NUBPL: variants seen among roughly 807,000 people sequenced by gnomAD.
NUBPL encodes iron-sulfur cluster transfer protein NUBPL.
Under a neutral mutation model 45.7 loss-of-function variants are expected in NUBPL, and 31 were observed. The observed-to-expected ratio is 0.68, with a 90% confidence interval of 0.51 to 0.92. The LOEUF (loss-of-function observed/expected upper bound fraction) is 0.92. Among genes scored for constraint, NUBPL ranks in the 40% least tolerant of loss-of-function variants. The pLI, the probability that NUBPL is intolerant of heterozygous loss-of-function variation, is 0.00. For synonymous variants in NUBPL, 144 were observed against 140.9 expected (o/e 1.02, Z -0.15); for missense variants, 401 against 398.7 (o/e 1.01, Z -0.05).
chr14:31,650,439 G>A (rs932358535), intron 4 of NUBPL, among the ~76,000 whole-genome samples: 6 of 151,874 alleles, frequency 4.0e-5, no homozygotes, highest in African/African-American at 7.3e-5. Flanking sequence ...ACAGGCGCCC[G>A]CCACCACACC....
At chr14:31,646,486 C>T (rs2035856594) in intron 4 of NUBPL, among the ~76,000 whole-genome samples, 1 of 152,146 alleles carries the variant, frequency 6.6e-6, no homozygotes, top group Non-Finnish European at 1.5e-5. Context: ...CCACGCTTGG[C>T]CATCAGGTTC....
Position 31,826,721 on chromosome 14 carries a change from GT to G in NUBPL, c.693+10del, listed in dbSNP as rs746057474. 1.6e-5 allele frequency: 25 copies of G among 1,611,688 alleles called. No individual in the cohort carries two copies. In the Admixed American group the frequency reaches 3.7e-4, roughly 24 times the overall value. ...TCGCAGAGTCCACGTGCCCGTAAGC[GT>G]TTACAGCTTCACTGTGAAAAATATA... is the stretch of plus-strand genomic sequence containing the variant. On this transcript the variant is annotated splice_region_variant and intron_variant, in intron 8 of 10. Transcript: ENST00000281081.
chr14:31,766,996 A>G (rs545270989), intron 6 of NUBPL, among the ~76,000 whole-genome samples: 37 of 152,266 alleles, frequency 2.4e-4, no homozygotes, highest in Admixed American at 4.6e-4. Context: ...CATAATTAAA[A>G]AAAAAAGATT....
chr14:31,572,147 T>A (rs566233390), intron 3 of NUBPL, among the ~76,000 whole-genome samples: 116 of 152,072 alleles, frequency 7.6e-4, no homozygotes, highest in African/African-American at 1.9e-3. Context: ...TTTTTTTTTT[T>A]AATTTTTTTT....
Position 31,561,475 on chromosome 14 carries a change from G to A in NUBPL, c.36G>A (p.Gly12=), listed in dbSNP as rs752542109. ...GIWQRLLLFG[G]VSLRAGGGAT... is the part of the protein sequence containing the mutation. ...GGCAGCGTCTGCTGCTTTTTGGTGG[G>A]GTGTCGCTCCGGGCTGGTGGCGGGG... The change falls in exon 1 of 11, where the codon GGG becomes GGA. Residue 12 remains glycine, a synonymous_variant. Transcript: ENST00000281081. 2.8e-6 allele frequency: 4 copies of A among 1,415,502 alleles called. No individual in the cohort carries two copies. Among genetic ancestry groups the A allele is most frequent in the South Asian group, 1.7e-5 (1 of 58,034 alleles). The allele number at this position is 1,415,502 out of a possible 1,614,324, so 87.7% of individuals were successfully genotyped here.
intron 6 of NUBPL, among the ~76,000 whole-genome samples, chr14:31,720,199 A>G (rs1386190396): frequency 6.6e-6 from 1 of 152,100 alleles, no homozygotes; most frequent in Non-Finnish European, 1.5e-5. Context: ...ATCACTCTTA[A>G]ATTTGTTCAT....
intron 4 of NUBPL, among the ~76,000 whole-genome samples, chr14:31,627,604 A>G (rs979199375): frequency 4.6e-5 from 7 of 151,954 alleles, no homozygotes; most frequent in Non-Finnish European, 8.8e-5. Context: ...GTCTCTACTA[A>G]CAATAGAAAA....
chr14:31,714,583 G>C (rs2037646234), intron 6 of NUBPL: 1 of 152,630 alleles, frequency 6.6e-6, no homozygotes, highest in South Asian at 2.1e-4. Context: ...TAAACAACCA[G>C]ATCTTGCGTG....
At chr14:31,561,630 C>A in intron 1 of NUBPL, 83 bp downstream of exon 1, 1 of 938,652 alleles carries the variant, frequency 1.1e-6, no homozygotes, top group South Asian at 2.8e-5. Context: ...TTGCTTCTTG[C>A]CAAAGACTCG....
intron 7 of NUBPL, among the ~76,000 whole-genome samples, chr14:31,802,421 G>A (rs149381099): frequency 0.011 from 1,716 of 152,070 alleles, 29 homozygotes; most frequent in African/African-American, 0.039. Context: ...GACTACAGGC[G>A]CGTGCCACCA....
At chr14:31,672,303 G>GCA (rs890800445) in intron 4 of NUBPL, among the ~76,000 whole-genome samples, 14 of 151,234 alleles carry the variant, frequency 9.3e-5, no homozygotes, top group Non-Finnish European at 2.1e-4. Context: ...GTGTGTGTGT[G>GCA]TGTGCATGCA....
intron 3 of NUBPL, among the ~76,000 whole-genome samples, chr14:31,588,225 T>G (rs1025064384): frequency 3.3e-5 from 5 of 152,178 alleles, no homozygotes; most frequent in Non-Finnish European, 5.9e-5. Flanking sequence ...TGGGGGTTAT[T>G]GTATACCTAC....
chr14:31,812,983 CTT>C (rs33986436), intron 7 of NUBPL, among the ~76,000 whole-genome samples: 1,673 of 105,068 alleles, frequency 0.016, 22 homozygotes, highest in African/African-American at 0.047. Context: ...CTTGTTAGTT[CTT>C]TTTTTTTTTT....
chr14:31,673,641 G>A, intron 6 of NUBPL, 67 bp downstream of exon 6: 2 of 1,387,396 alleles, frequency 1.4e-6, no homozygotes, highest in East Asian at 2.3e-5. Flanking sequence ...TTGCTGATTG[G>A]AGAATTGTTA....
intron 4 of NUBPL, among the ~76,000 whole-genome samples, chr14:31,647,046 CTTGAT>C (rs2035874811): frequency 6.6e-6 from 1 of 152,086 alleles, no homozygotes; most frequent in Non-Finnish European, 1.5e-5. Context: ...AAAATTTCTG[CTTGAT>C]TTATTTTTAA....
chr14:31,834,460 T>G (rs934157400), intron 8 of NUBPL, among the ~76,000 whole-genome samples: 1 of 152,194 alleles, frequency 6.6e-6, no homozygotes, highest in African/African-American at 2.4e-5. Flanking sequence ...ATTACAGGCG[T>G]GAGCCACTGC....
intron 6 of NUBPL, among the ~76,000 whole-genome samples, chr14:31,739,202 CTATATATATATTATATTATA>C (rs1280048699): frequency 3.8e-4 from 51 of 135,070 alleles, no homozygotes; most frequent in East Asian, 2.2e-3. Context: ...ATATTATATT[CTATATATATATTATATTATA>C]TATATATATA....
At chr14:31,802,703 T>C (rs113287118) in intron 7 of NUBPL, among the ~76,000 whole-genome samples, 1,565 of 152,320 alleles carry the variant, frequency 0.01, 16 homozygotes, top group Non-Finnish European at 0.016. Context: ...ATAAATTAAT[T>C]ACCCAGTCTC....
At chr14:31,745,416 G>A (rs987458652) in intron 6 of NUBPL, among the ~76,000 whole-genome samples, 2 of 152,214 alleles carry the variant, frequency 1.3e-5, no homozygotes, top group African/African-American at 4.8e-5. Flanking sequence ...ATTCCATGGT[G>A]TATATGTGCC....
Sources: gnomAD v4.1 joint callset for allele counts (sites outside exome capture counted in the v4.1 genomes callset) on GRCh38, gnomAD v4.1.1 for gene constraint, MANE v1.5 for transcripts, NCBI Gene and HGNC (gene_info 2026-07-23, HGNC 2026-07-21) for gene names.